CELSR3: variants seen among roughly 807,000 people sequenced by gnomAD.
CELSR3 encodes the protein EGF-like protein 1.
CELSR3 carries 73 observed loss-of-function variants against 270.0 expected under a neutral mutation model. That is an observed-to-expected ratio of 0.27 (90% CI 0.22 to 0.33). The LOEUF (loss-of-function observed/expected upper bound fraction) is 0.33, where lower values mean the gene tolerates loss of function less well. Ranked by LOEUF, CELSR3 falls within the 10% of genes least tolerant of loss-of-function variation. The pLI is 1.00. For missense variants in CELSR3, 3,614 were observed against 4,533.8 expected (o/e 0.80, Z 5.83); for synonymous variants, 1,780 against 1,905.4 (o/e 0.93, Z 1.71).
At chr3:48,648,560 C>G in intron 18 of CELSR3, 99 bp from the exon 19 acceptor site, 1 of 1,395,728 alleles carries the variant, frequency 7.2e-7, no homozygotes, top group South Asian at 1.4e-5. Context: ...CAGAGGGGCT[C>G]CAACAGGCAA....
chr3:48,656,247 G>C lies in CELSR3; in HGVS notation c.4518C>G (p.Gly1506=). The change falls in exon 3 of 35, where the codon GGC becomes GGG. Residue 1506 remains glycine (G), a synonymous_variant. Coordinates refer to ENST00000164024, the MANE Select transcript of CELSR3 (RefSeq NM_001407.3). ...CCTCGCAGCGCGGGCCCTCGAAGGC[G>C]CCGCCTGCCGGGCACTGGCAGCGAA... ...GGFRCQCPAG[G]AFEGPRCEVA... 1 of 1,534,082 alleles carries C rather than the reference G, an allele frequency of 6.5e-7. No homozygotes were observed. The highest frequency in any genetic ancestry group is 8.7e-7 in the Non-Finnish European group (1 of 1,145,978).
chr3:48,641,934 T>G lies in CELSR3; in HGVS notation c.8741A>C (p.Glu2914Ala). Residue 2914 changes from glutamate to alanine, a missense_variant, in exon 32 of 35, where the codon GAG becomes GCG. By Grantham distance (107) the Glu-to-Ala change is moderately radical. Coordinates refer to ENST00000164024, the MANE Select transcript of CELSR3 (RefSeq NM_001407.3). The surrounding 1 kb of genome is among the most constrained non-coding windows in gnomAD (Gnocchi z 4.8). ...RSLSIPSSES[E>A]DNGRTRGRFQ... ...GCGCCCCCGCGTCCGGCCATTGTCCTCGCTTTCTGAAGATGGAATGGAGAG... is the reference window on the plus strand; with the variant it reads ...GCGCCCCCGCGTCCGGCCATTGTCCGCGCTTTCTGAAGATGGAATGGAGAG... 1 of 1,603,050 alleles carries G rather than the reference T, an allele frequency of 6.2e-7. No individual in the cohort carries two copies. Among genetic ancestry groups the G allele is most frequent in the South Asian group, 1.1e-5 (1 of 89,668 alleles).
In CELSR3 at chr3:48,656,997, G is replaced by A; in HGVS notation, c.4100C>T (p.Ser1367Phe). The A allele has an allele frequency of 6.2e-7, 1 of 1,612,962 alleles. No individual in the cohort carries two copies. Among genetic ancestry groups the A allele is most frequent in the Non-Finnish European group, 8.5e-7 (1 of 1,179,592 alleles). The change falls in exon 2 of 35, where the codon TCC (serine) becomes TTC (phenylalanine). Residue 1367 changes from serine to phenylalanine, a missense_variant. Around this residue, in one of 7 missense-constraint regions of CELSR3, gnomAD observed 1,331 missense variants for 1,933.7 expected, o/e 0.69. Coordinates refer to ENST00000164024, the MANE Select transcript of CELSR3 (RefSeq NM_001407.3). ...GTCGAAGGGCAGTACGTCGAGCAGG[G>A]AGCGAGCCGCCAGCGCCGCCCGGCG... ...YVRRAALAAR[S>F]LLDVLPFDDN... is the part of the protein sequence containing the mutation.
Position 48,644,093 on chromosome 3 carries a change from C to T in CELSR3, c.8165+123G>A. The T allele has an allele frequency of 1.3e-6, 1 of 768,310 alleles. No individual in the cohort carries two copies. The highest frequency in any genetic ancestry group is 1.7e-5 in the South Asian group (1 of 57,788). The allele number at this position is 768,310 out of a possible 1,614,324, so 47.6% of individuals were successfully genotyped here. A position where few individuals can be genotyped will look rare whatever the true frequency, so the allele number is the denominator to read the frequency against. On this transcript the variant is annotated intron_variant, in intron 27 of 34. Transcript: ENST00000164024. The surrounding 1 kb of genome is among the most constrained non-coding windows in gnomAD (Gnocchi z 4.8). ...GGACCACAGGTCAGGGCAGGTGTGA[C>T]TTCATTCCTTCATCTAGAACTTGGA...
rs541510816 is a variant in CELSR3, at chr3:48,646,595, A to C, written c.7295+168T>G. ...GTGTCTGTCAGCCTGTGGCTCTGTC[A>C]CTCTGCACAACTCCAGAGAATAAGA... On this transcript the variant is annotated intron_variant, in intron 21 of 34. Transcript: ENST00000164024. This position sits in a 1 kb window ranked among gnomAD's most constrained non-coding sequence, Gnocchi z 4.8. Among the ~76,000 whole-genome samples, 1 of 151,982 alleles carries C rather than the reference A, an allele frequency of 6.6e-6. No homozygotes were observed.
chr3:48,644,780 C>A lies in CELSR3; in HGVS notation c.8021G>T (p.Cys2674Phe). Reference sequence around the variant, plus strand: ...GAGGGGCTCGTGGACTGAGATCCAGCAGAAGTCAGGGTTCCCATAGCCCTC... The same window carrying A: ...GAGGGGCTCGTGGACTGAGATCCAGAAGAAGTCAGGGTTCCCATAGCCCTC... ...DPEGYGNPDF[C>F]WISVHEPLIW... Residue 2674 changes from cysteine to phenylalanine, a missense_variant, in exon 26 of 35, where the codon TGC becomes TTC. By Grantham distance (205) the Cys-to-Phe change is radical. This residue lies in a region of CELSR3 where 1,240 missense variants were observed against 1,351.7 expected (regional missense o/e 0.92). Coordinates refer to ENST00000164024, the MANE Select transcript of CELSR3 (RefSeq NM_001407.3). The surrounding 1 kb of genome is among the most constrained non-coding windows in gnomAD (Gnocchi z 4.8). The A allele has an allele frequency of 6.2e-7, 1 of 1,613,530 alleles. No individual in the cohort carries two copies. The highest frequency in any genetic ancestry group is 8.5e-7 in the Non-Finnish European group (1 of 1,179,992).
At position 48,656,556 on chromosome 3, in the gene CELSR3, G is replaced by T. The variant is rs2077023701; in HGVS notation, c.4399+142C>A. The T allele has an allele frequency of 2.4e-6, 3 of 1,257,714 alleles. 1 individual carries two copies. Among genetic ancestry groups the T allele is most frequent in the South Asian group, 3.5e-5 (2 of 57,272 alleles). 77.9% of individuals were successfully genotyped at this position (1,257,714 alleles called of 1,614,324 possible). ...GCTGCCTCGGCGGCGGCCCCTTCCG[G>T]CCACGCTCTACGGCTTCTGGCCTAA... On this transcript the variant is annotated intron_variant, in intron 2 of 34. Coordinates refer to ENST00000164024, the MANE Select transcript of CELSR3 (RefSeq NM_001407.3).
Position 48,655,383 on chromosome 3 carries a change from T to G in CELSR3, c.4753A>C (p.Thr1585Pro). The change falls in exon 5 of 35, where the codon ACC becomes CCC. Residue 1585 changes from threonine to proline, a missense_variant. Transcript: ENST00000164024. The surrounding 1 kb of genome is among the most constrained non-coding windows in gnomAD (Gnocchi z 5.8). ...RLTYSTGESN[T>P]VVSPTVPGGL... ...CCTGGAACTGTGGGGCTGACCACGGTGTTGGATTCACCTGGAGGGGAGATG... is the reference window on the plus strand; with the variant it reads ...CCTGGAACTGTGGGGCTGACCACGGGGTTGGATTCACCTGGAGGGGAGATG... 6.2e-7 allele frequency: 1 copy of G among 1,614,014 alleles called. No homozygotes were observed. Among genetic ancestry groups the G allele is most frequent in the Non-Finnish European group, 8.5e-7 (1 of 1,179,964 alleles).
rs1166614788 is a variant in CELSR3, at chr3:48,652,278, T to C, written c.5751+159A>G. ...TGATAATCCAAGCTAGACTCCCACC[T>C]CCAATGCCACAGAAAGGCTTGACCT... On this transcript the variant is annotated intron_variant, in intron 11 of 34. Coordinates refer to ENST00000164024, the MANE Select transcript of CELSR3 (RefSeq NM_001407.3). This position sits in a 1 kb window ranked among gnomAD's most constrained non-coding sequence, Gnocchi z 4.3. Among the ~76,000 whole-genome samples, 3 of 152,138 alleles carry C rather than the reference T, an allele frequency of 2.0e-5. No individual in the cohort carries two copies. Among genetic ancestry groups the C allele is most frequent in the Non-Finnish European group, 4.4e-5 (3 of 68,026 alleles).
In CELSR3 at chr3:48,652,200, A is replaced by G; in HGVS notation, c.5752-152T>C. On this transcript the variant is annotated intron_variant, in intron 11 of 34. Coordinates refer to ENST00000164024, the MANE Select transcript of CELSR3 (RefSeq NM_001407.3). The surrounding 1 kb of genome is among the most constrained non-coding windows in gnomAD (Gnocchi z 4.3). ...GCCTCAAAAATATCCCCAATTTGGT[A>G]CCCCTGTGGGACCCTAATTGTGCTG... is the stretch of plus-strand genomic sequence containing the variant. The G allele has an allele frequency of 1.2e-6, 1 of 841,894 alleles. No homozygotes were observed. 52.2% of individuals were successfully genotyped at this position (841,894 alleles called of 1,614,324 possible).
Position 48,653,201 on chromosome 3 carries a change from T to G in CELSR3, c.5449-14A>C, listed in dbSNP as rs776931669. On this transcript the variant is annotated splice_polypyrimidine_tract_variant and intron_variant, in intron 9 of 34. Transcript: ENST00000164024. The surrounding 1 kb of genome is among the most constrained non-coding windows in gnomAD (Gnocchi z 6.5). ...CCCCCGATCTAGCTGTGGGCAGAGA[T>G]GCATAGCCCTGGGGTTAGAGCCCCA... The G allele has an allele frequency of 6.2e-7, 1 of 1,611,650 alleles. No individual in the cohort carries two copies. Among genetic ancestry groups the G allele is most frequent in the South Asian group, 1.1e-5 (1 of 90,998 alleles).
chr3:48,655,112 A>G lies in CELSR3; in HGVS notation c.4920T>C (p.Ala1640=), dbSNP rs745850969. 1 of 1,613,936 alleles carries G rather than the reference A, an allele frequency of 6.2e-7. No individual in the cohort carries two copies. The highest frequency in any genetic ancestry group is 8.5e-7 in the Non-Finnish European group (1 of 1,179,938). The change falls in exon 6 of 35, where the codon GCT becomes GCC. Residue 1640 remains alanine (A), a synonymous_variant. Transcript: ENST00000164024. The surrounding 1 kb of genome is among the most constrained non-coding windows in gnomAD (Gnocchi z 5.8). ...TGCCAATCTCAGCACCAAACTGCAG[A>G]GCCACGGCCACATCACAATCATCCA... ...LSVDDCDVAV[A]LQFGAEIGNY...
At position 48,652,032 on chromosome 3, in the gene CELSR3, G is replaced by C. The variant is rs770113941; in HGVS notation, c.5768C>G (p.Ser1923Cys). The C allele has an allele frequency of 9.0e-6, 14 of 1,557,556 alleles. No individual in the cohort carries two copies. Among genetic ancestry groups the C allele is most frequent in the Non-Finnish European group, 1.2e-5 (14 of 1,156,294 alleles). The change falls in exon 12 of 35, where the codon TCC (serine) becomes TGC (cysteine). Residue 1923 changes from serine (S) to cysteine (C), a missense_variant. By Grantham distance (112) the Ser-to-Cys change is moderately radical. This residue lies in a region of CELSR3 where 1,331 missense variants were observed against 1,933.7 expected (regional missense o/e 0.69). Transcript: ENST00000164024. The surrounding 1 kb of genome is among the most constrained non-coding windows in gnomAD (Gnocchi z 4.3). Reference protein sequence around the residue: ...VGCIQGVWLGSTPSGSPALLP... With the variant: ...VGCIQGVWLGCTPSGSPALLP... Reference sequence around the variant, plus strand: ...CAGGGCCGGGGAGCCAGAGGGTGTGGAGCCGAGCCACACCCCCTGTGGACA... The same window carrying C: ...CAGGGCCGGGGAGCCAGAGGGTGTGCAGCCGAGCCACACCCCCTGTGGACA...
At position 48,656,128 on chromosome 3, in the gene CELSR3, G is replaced by T. The variant is rs2047179148; in HGVS notation, c.4625+12C>A. 6.5e-7 allele frequency: 1 copy of T among 1,534,042 alleles called. No individual in the cohort carries two copies. The highest frequency in any genetic ancestry group is 8.7e-7 in the Non-Finnish European group (1 of 1,145,852). On this transcript the variant is annotated intron_variant, in intron 3 of 34. Transcript: ENST00000164024. ...CGGCGGGGAGGCGCTCAGACACGGG[G>T]CGGGCACCTACGAGAGGGACAGCGT...
rs1171579028 is a variant in CELSR3 at position 48,659,530 on chromosome 3, C to T, written c.3105G>A (p.Leu1035=). The change falls in exon 1 of 35, where the codon TTG becomes TTA. Residue 1035 remains leucine, a synonymous_variant. Coordinates refer to ENST00000164024, the MANE Select transcript of CELSR3 (RefSeq NM_001407.3). This position sits in a 1 kb window ranked among gnomAD's most constrained non-coding sequence, Gnocchi z 8.1. ...CACCTCTGTCCACTGCGTAGGCAGT[C>T]AACTCATACACTGATACTGCCTCCC... is the stretch of plus-strand genomic sequence containing the variant. ...LDREAVSVYE[L]TAYAVDRGVP... The T allele has an allele frequency of 1.9e-6, 3 of 1,614,092 alleles. No homozygotes were observed. In the African/African-American group the frequency reaches 4.0e-5, roughly 22 times the overall value.
At position 48,641,646 on chromosome 3, in the gene CELSR3, A is replaced by G. The variant is rs948508090; in HGVS notation, c.8825-122T>C. ...TGAGCAGAGGTGGGAACAGGAGGGT[A>G]TCTCCTCAGAGATCAATGGGTGGGG... On this transcript the variant is annotated intron_variant, in intron 32 of 34. Transcript: ENST00000164024. The surrounding 1 kb of genome is among the most constrained non-coding windows in gnomAD (Gnocchi z 4.8). The G allele has an allele frequency of 1.2e-6, 1 of 839,774 alleles. No individual in the cohort carries two copies. The highest frequency in any genetic ancestry group is 1.9e-6 in the Non-Finnish European group (1 of 539,718). 52.0% of individuals were successfully genotyped at this position (839,774 alleles called of 1,614,324 possible).
In CELSR3 at chr3:48,654,554, G is replaced by A. The variant is rs2106715410; in HGVS notation, c.4989-102C>T. On this transcript the variant is annotated intron_variant, in intron 6 of 34. Transcript: ENST00000164024. This position sits in a 1 kb window ranked among gnomAD's most constrained non-coding sequence, Gnocchi z 5.4. ...GGGGGTAGGACCCAGAGGGTAGGGT[G>A]ATTGAGGGAGGAAAATAAGGCCGAG... is the stretch of plus-strand genomic sequence containing the variant. 1 of 998,162 alleles carries A rather than the reference G, an allele frequency of 1.0e-6. No homozygotes were observed. Among genetic ancestry groups the A allele is most frequent in the East Asian group, 2.6e-5 (1 of 38,602 alleles). 61.8% of individuals were successfully genotyped at this position (998,162 alleles called of 1,614,324 possible). A position where few individuals can be genotyped will look rare whatever the true frequency, so the allele number is the denominator to read the frequency against.
chr3:48,653,685 C>T lies in CELSR3; in HGVS notation c.5382G>A (p.Arg1794=), dbSNP rs1298775929. Reference sequence around the variant, plus strand: ...TCAGGACCCCCTGCGTTGCCCGTGTCCGAAATGCCAGCCCCAGGTACCATG... The same window carrying T: ...TCAGGACCCCCTGCGTTGCCCGTGTTCGAAATGCCAGCCCCAGGTACCATG... ...SVPWYLGLAF[R]TRATQGVLMQ... Residue 1794 remains arginine, a synonymous_variant, in exon 9 of 35, where the codon CGG becomes CGA. Coordinates refer to ENST00000164024, the MANE Select transcript of CELSR3 (RefSeq NM_001407.3). The surrounding 1 kb of genome is among the most constrained non-coding windows in gnomAD (Gnocchi z 6.5). The T allele has an allele frequency of 1.9e-6, 3 of 1,614,168 alleles. No homozygotes were observed. The highest frequency in any genetic ancestry group is 2.5e-6 in the Non-Finnish European group (3 of 1,180,022).
At position 48,644,237 on chromosome 3, in the gene CELSR3, T is replaced by C. The variant is rs754564648; in HGVS notation, c.8144A>G (p.Glu2715Gly). 2 of 1,612,790 alleles carry C rather than the reference T, an allele frequency of 1.2e-6. No individual in the cohort carries two copies. The highest frequency in any genetic ancestry group is 2.2e-5 in the South Asian group (2 of 91,062). The change falls in exon 27 of 35, where the codon GAG becomes GGG. Residue 2715 changes from glutamate (E) to glycine (G), a missense_variant. Glu to Gly is a moderately conservative substitution (Grantham distance 98). Transcript: ENST00000164024. This position sits in a 1 kb window ranked among gnomAD's most constrained non-coding sequence, Gnocchi z 4.8. ...ARTSCSTGQR[E>G]AKKTSALTLR... is the part of the protein sequence containing the mutation. ...TCACAGTGCAGAGGTCTTCTTGGCC[T>C]CCCTCTGCCCTGTGGAGCAGGATGT...
Sources: gnomAD v4.1 joint callset for allele counts (sites outside exome capture counted in the v4.1 genomes callset) on GRCh38, gnomAD v4.1.1 for gene constraint, gnomAD v4.1.1 regional missense constraint, Gnocchi (gnomAD v3.1) non-coding constraint, MANE v1.5 for transcripts, NCBI Gene and HGNC (gene_info 2026-07-23, HGNC 2026-07-21) for gene names.